CADPS: variants seen among roughly 807,000 people sequenced by gnomAD.
CADPS encodes the protein calcium-dependent secretion activator 1.
Under a neutral mutation model 167.3 loss-of-function variants are expected in CADPS, and 57 were observed. The ratio of observed to expected loss-of-function variants is 0.34; its 90% CI spans 0.28 to 0.42. The LOEUF is 0.42. Ranked by LOEUF, CADPS falls within the 20% of genes least tolerant of loss-of-function variation. CADPS has a pLI of 1.00. For synonymous variants in CADPS, 676 were observed against 635.3 expected (o/e 1.06, Z -0.96); for missense variants, 1,414 against 1,738.1 (o/e 0.81, Z 3.32).
chr3:62,607,730 T>A (rs1030365357), intron 6 of CADPS, among the ~76,000 whole-genome samples: 1 of 152,188 alleles, frequency 6.6e-6, no homozygotes, highest in Non-Finnish European at 1.5e-5. Context: ...GCTGCTTTCA[T>A]GGGCTGGGTT....
At chr3:62,559,730 G>A (rs2078812341) in intron 9 of CADPS, among the ~76,000 whole-genome samples, 1 of 152,046 alleles carries the variant, frequency 6.6e-6, no homozygotes, top group Non-Finnish European at 1.5e-5. Context: ...CCGACTTCAG[G>A]TGATCTGCCC....
intron 14 of CADPS, among the ~76,000 whole-genome samples, chr3:62,517,200 G>A (rs1228135421): frequency 1.3e-5 from 2 of 152,092 alleles, no homozygotes; most frequent in African/African-American, 4.8e-5. Context: ...GGAGGATTTT[G>A]ATGGCACAGA....
In CADPS at chr3:62,532,458, T is replaced by C. The variant is rs1189236685; in HGVS notation, c.2291+413A>G. 3.9e-5 allele frequency among the ~76,000 whole-genome samples: 6 copies of C among 152,146 alleles called. No homozygotes were observed. In the South Asian group the frequency reaches 1.0e-3, roughly 26 times the overall value. On this transcript the variant is annotated intron_variant, in intron 13 of 29. Coordinates refer to ENST00000383710, the MANE Select transcript of CADPS (RefSeq NM_003716.4). ...CAAAAACAAAGGCAAATATTTATTG[T>C]TTTTGCCATGTTTCAGGCACTATGT...
intron 11 of CADPS, among the ~76,000 whole-genome samples, chr3:62,537,849 T>C (rs1241091500): frequency 2.0e-5 from 3 of 152,104 alleles, no homozygotes; most frequent in East Asian, 3.9e-4. Flanking sequence ...TAATAAATCA[T>C]TCAAACCTAA....
At chr3:62,589,246 A>G (rs911983913) in intron 7 of CADPS, among the ~76,000 whole-genome samples, 21 of 152,194 alleles carry the variant, frequency 1.4e-4, no homozygotes, top group African/African-American at 5.1e-4. Flanking sequence ...GCTTCACTGC[A>G]CTCTTAGGTC....
At chr3:62,562,288 C>G (rs898742659) in intron 9 of CADPS, among the ~76,000 whole-genome samples, 1 of 152,126 alleles carries the variant, frequency 6.6e-6, no homozygotes, top group Non-Finnish European at 1.5e-5. Flanking sequence ...GTCTAAATCC[C>G]AGACTCCTGA....
chr3:62,546,602 G>T (rs1182414346), intron 11 of CADPS, among the ~76,000 whole-genome samples: 1 of 152,134 alleles, frequency 6.6e-6, no homozygotes, highest in Admixed American at 6.5e-5. Context: ...CAAGGGTTCT[G>T]CATCCATGGA....
chr3:62,580,834 G>T (rs1277425082), intron 8 of CADPS, among the ~76,000 whole-genome samples: 5 of 152,184 alleles, frequency 3.3e-5, no homozygotes. Flanking sequence ...AGTTAGTTTA[G>T]TAGTATTCAA....
chr3:62,525,679 A>ATGTGTGTGTGTGTGTGTGTGTG (rs34729200), intron 13 of CADPS, among the ~76,000 whole-genome samples: 27 of 148,914 alleles, frequency 1.8e-4, no homozygotes, highest in African/African-American at 6.2e-4. Flanking sequence ...TAATGTCATT[A>ATGTGTGTGTGTGTGTGTGTGTG]TGTGTGTGTG....
chr3:62,746,285 T>C (rs2081427754), intron 3 of CADPS, among the ~76,000 whole-genome samples: 2 of 152,152 alleles, frequency 1.3e-5, no homozygotes, highest in African/African-American at 4.8e-5. Flanking sequence ...TGACTCTAAA[T>C]TAATCTAAAG....
rs569503353 is a variant in CADPS at position 62,462,069 on chromosome 3, T to A, written c.3636+3298A>T. On this transcript the variant is annotated intron_variant, in intron 26 of 29. Transcript: ENST00000383710. ...CCTGGGTACCTGCTTGCCCTCTTCT[T>A]GGCCTCCTAAAAGAACAGCGAGTGG... Among the ~76,000 whole-genome samples, 1,235 of 152,334 alleles carry A rather than the reference T, an allele frequency of 8.1e-3. 11 individuals carry two copies. Among genetic ancestry groups the A allele is most frequent in the African/African-American group, 0.027 (1,141 of 41,570 alleles).
chr3:62,547,590 C>CG (rs202191144), intron 11 of CADPS, among the ~76,000 whole-genome samples: 1 of 94,920 alleles, frequency 1.1e-5, no homozygotes, highest in South Asian at 4.5e-4. Context: ...ATTTACGCCC[C>CG]CCCCCCCCCG....
intron 13 of CADPS, among the ~76,000 whole-genome samples, chr3:62,518,697 C>A (rs1182806095): frequency 6.6e-6 from 1 of 152,106 alleles, no homozygotes; most frequent in African/African-American, 2.4e-5. Context: ...CAGGCACTCA[C>A]CTGGTCCACA....
intron 21 of CADPS, among the ~76,000 whole-genome samples, chr3:62,486,077 A>G (rs2062769358): frequency 1.3e-5 from 2 of 152,236 alleles, no homozygotes; most frequent in Admixed American, 1.3e-4. Flanking sequence ...CCACCATAGT[A>G]ACAATTTTAC....
chr3:62,857,060 AT>A (rs1156417777), intron 1 of CADPS, among the ~76,000 whole-genome samples: 1 of 152,100 alleles, frequency 6.6e-6, no homozygotes, highest in Non-Finnish European at 1.5e-5. Flanking sequence ...AAAACGGTCC[AT>A]CACAAATGAC....
chr3:62,799,321 T>C (rs544643892), intron 1 of CADPS, among the ~76,000 whole-genome samples: 19 of 152,274 alleles, frequency 1.2e-4, no homozygotes, highest in South Asian at 4.1e-4. Context: ...GTGTTAGCCA[T>C]GTAGCCTGTT....
chr3:62,807,513 C>T lies in CADPS; in HGVS notation c.442-41529G>A, dbSNP rs182694274. Among the ~76,000 whole-genome samples, 5 of 152,162 alleles carry T rather than the reference C, an allele frequency of 3.3e-5. 1 individual carries two copies. The highest frequency in any genetic ancestry group is 2.6e-4 in the Admixed American group (4 of 15,270). ...AGGAGTTCAAGTACTTCACCTGCCT[C>T]GGCCTCCCAAAGTGCTGGGATTACA... is the stretch of plus-strand genomic sequence containing the variant. On this transcript the variant is annotated intron_variant, in intron 1 of 29. Coordinates refer to ENST00000383710, the MANE Select transcript of CADPS (RefSeq NM_003716.4).
intron 28 of CADPS, among the ~76,000 whole-genome samples, chr3:62,437,661 G>A (rs574606394): frequency 3.3e-5 from 5 of 152,228 alleles, no homozygotes; most frequent in Admixed American, 1.3e-4. Context: ...ATAACGATGC[G>A]ACATTTACTG....
intron 6 of CADPS, among the ~76,000 whole-genome samples, chr3:62,637,438 G>T (rs1255778832): frequency 1.3e-5 from 2 of 152,170 alleles, no homozygotes; most frequent in African/African-American, 2.4e-5. Context: ...TTGTGTAAAT[G>T]CCTCAAGGGC....
Sources: allele counts gnomAD v4.1 joint callset (sites outside exome capture counted in the v4.1 genomes callset), GRCh38; gene constraint gnomAD v4.1.1; transcripts MANE v1.5; gene names NCBI Gene and HGNC (gene_info 2026-07-23, HGNC 2026-07-21).